Variants in LEKR1 observed in about 807,000 individuals in gnomAD.
LEKR1 encodes protein LEKR1.
A neutral mutation model predicts 72.4 loss-of-function variants in LEKR1; 59 were observed. The observed-to-expected ratio is 0.82, with a 90% CI of 0.66 to 1.01. LEKR1 has a LOEUF of 1.01. LEKR1 is among the 50% of genes least tolerant of loss of function. LEKR1 has a pLI of 0.00. For synonymous variants in LEKR1, 257 were observed against 263.2 expected, an observed-to-expected ratio of 0.98 and a Z score of 0.23; for missense variants, 728 against 759.2, an observed-to-expected ratio of 0.96 and a Z score of 0.48.
At chr3:156,982,251 T>C (rs960752106) in intron 7 of LEKR1, among the ~76,000 whole-genome samples, 1 of 152,232 alleles carries the variant, frequency 6.6e-6, no homozygotes, top group African/African-American at 2.4e-5. Context: ...ATGTTCTTTC[T>C]GTCTCCATCC....
At chr3:157,019,662 AATTT>A (rs1188455124) in intron 10 of LEKR1, among the ~76,000 whole-genome samples, 2 of 152,276 alleles carry the variant, frequency 1.3e-5, no homozygotes, top group African/African-American at 4.8e-5. Context: ...ACCATCAACA[AATTT>A]ATTTATTTTG....
intron 5 of LEKR1, among the ~76,000 whole-genome samples, chr3:156,942,038 T>C (rs1330075783): frequency 1.3e-5 from 2 of 152,044 alleles, no homozygotes; most frequent in Non-Finnish European, 2.9e-5. Context: ...CTAAATTTAT[T>C]AGTTTTAGAC....
intron 10 of LEKR1, among the ~76,000 whole-genome samples, chr3:157,020,313 A>G (rs1209592811): frequency 6.9e-6 from 1 of 145,844 alleles, no homozygotes; most frequent in East Asian, 2.0e-4. Context: ...GTTTTAGGGT[A>G]CATGTGCACA....
At chr3:157,011,755 G>A (rs1357880688) in intron 10 of LEKR1, among the ~76,000 whole-genome samples, 1 of 151,958 alleles carries the variant, frequency 6.6e-6, no homozygotes, top group South Asian at 2.1e-4. Flanking sequence ...TCATGAAAAA[G>A]CATTTTTTTT....
In LEKR1 at chr3:157,011,997, G is replaced by A. The variant is rs185587861; in HGVS notation, c.1203+491G>A. Among the ~76,000 whole-genome samples the A allele has an allele frequency of 1.5e-3, 225 of 151,960 alleles. 1 individual carries two copies. The highest frequency in any genetic ancestry group is 5.2e-3 in the African/African-American group (217 of 41,488). The stretch of plus-strand genomic sequence containing the variant: ...ATTTACAGAGAAATGTTTGCTGTTA[G>A]AGAACAAAAAAAAATTGCATTGGTT... On this transcript the variant is annotated intron_variant, in intron 10 of 12. Transcript: ENST00000356539.
chr3:157,012,384 A>G (rs1339370781), intron 10 of LEKR1, among the ~76,000 whole-genome samples: 3 of 152,122 alleles, frequency 2.0e-5, no homozygotes, highest in Non-Finnish European at 2.9e-5. Flanking sequence ...TGAAGTCCTG[A>G]CAACTTGTTT....
intron 6 of LEKR1, among the ~76,000 whole-genome samples, chr3:156,971,203 G>A (rs1221265318): frequency 1.3e-5 from 2 of 152,130 alleles, no homozygotes; most frequent in African/African-American, 4.8e-5. Flanking sequence ...ACGACCATCT[G>A]ATCTTTGACA....
chr3:156,864,726 T>C (rs1017926456), intron 3 of LEKR1, among the ~76,000 whole-genome samples: 2 of 152,136 alleles, frequency 1.3e-5, no homozygotes, highest in African/African-American at 2.4e-5. Context: ...TCTTGACTTC[T>C]TAATAGCATT....
chr3:156,890,049 T>TCA, intron 3 of LEKR1, among the ~76,000 whole-genome samples: 1 of 152,204 alleles, frequency 6.6e-6, no homozygotes. Context: ...GAGATGGATC[T>TCA]ACCTAATAGC....
At chr3:157,012,718 T>C (rs950936335) in intron 10 of LEKR1, among the ~76,000 whole-genome samples, 3 of 152,052 alleles carry the variant, frequency 2.0e-5, no homozygotes, top group Non-Finnish European at 2.9e-5. Context: ...CAAAACAAAA[T>C]TGGAGAATAT....
At chr3:156,966,600 G>T (rs1037342850) in intron 6 of LEKR1, among the ~76,000 whole-genome samples, 1 of 152,142 alleles carries the variant, frequency 6.6e-6, no homozygotes, top group Non-Finnish European at 1.5e-5. Flanking sequence ...TGCCATTGCC[G>T]AGGCTTGAGT....
At chr3:156,894,677 A>C (rs2108559068) in intron 3 of LEKR1, among the ~76,000 whole-genome samples, 1 of 152,366 alleles carries the variant, frequency 6.6e-6, no homozygotes, top group East Asian at 1.9e-4. Context: ...ACAGCATGGT[A>C]CTGGTACAGA....
chr3:156,909,374 A>G (rs950423297), intron 3 of LEKR1, among the ~76,000 whole-genome samples: 2 of 152,016 alleles, frequency 1.3e-5, no homozygotes, highest in Non-Finnish European at 2.9e-5. Context: ...TTAAATTTTC[A>G]TTGCTGGTGG....
Position 156,993,219 on chromosome 3 carries a change from A to G in LEKR1, c.1051A>G (p.Ile351Val), listed in dbSNP as rs758938781. 107 of 1,612,556 alleles carry G rather than the reference A, an allele frequency of 6.6e-5. No homozygotes were observed. The highest frequency in any genetic ancestry group is 1.0e-4 in the Admixed American group (6 of 59,752). ...TAACCTTGCAGAAAATGAACTGGAG[A>G]TAACCAAAACTCTTCTGAATCAGAC... Reference protein sequence around the residue: ...RINLAENELEITKTLLNQTRE... With the variant: ...RINLAENELEVTKTLLNQTRE... The change falls in exon 9 of 13, where the codon ATA becomes GTA. Residue 351 changes from isoleucine (I) to valine (V), a missense_variant. By Grantham distance (29) the Ile-to-Val change is conservative (BLOSUM62 3). Coordinates refer to ENST00000356539, the MANE Select transcript of LEKR1 (RefSeq NM_001004316.3).
intron 3 of LEKR1, among the ~76,000 whole-genome samples, chr3:156,899,543 TATATACACATATATAC>T (rs1721700522): frequency 7.2e-6 from 1 of 138,098 alleles, no homozygotes; most frequent in African/African-American, 2.7e-5. Flanking sequence ...CATATATACA[TATATACACATATATAC>T]ATATACATGT....
intron 7 of LEKR1, among the ~76,000 whole-genome samples, chr3:156,981,137 C>T (rs760045611): frequency 1.1e-4 from 17 of 152,226 alleles, no homozygotes; most frequent in Non-Finnish European, 2.1e-4. Context: ...GTATAGCCTA[C>T]GTGTGTAGTA....
intron 6 of LEKR1, among the ~76,000 whole-genome samples, chr3:156,958,331 T>C (rs573375448): frequency 6.6e-6 from 1 of 152,184 alleles, no homozygotes. Context: ...CCCAATTCAT[T>C]TGGCAAAAGT....
chr3:156,896,882 A>G (rs1196431274), intron 3 of LEKR1, among the ~76,000 whole-genome samples: 1 of 152,210 alleles, frequency 6.6e-6, no homozygotes, highest in African/African-American at 2.4e-5. Context: ...AAAGAACACA[A>G]TCATGTCCTT....
chr3:156,919,616 T>C (rs1724001827), intron 3 of LEKR1, among the ~76,000 whole-genome samples: 1 of 152,220 alleles, frequency 6.6e-6, no homozygotes, highest in Admixed American at 6.5e-5. Context: ...AAAATGTGTT[T>C]TCTTGGCAAC....
Sources: gnomAD v4.1 joint callset for allele counts (sites outside exome capture counted in the v4.1 genomes callset) on GRCh38, gnomAD v4.1.1 for gene constraint, MANE v1.5 for transcripts, NCBI Gene and HGNC (gene_info 2026-07-23, HGNC 2026-07-21) for gene names.